The following ABTB3 variants were observed in gnomAD, a reference collection of about 807,000 sequenced individuals.
ABTB3 encodes ankyrin repeat- and BTB/POZ domain-containing protein 3.
the ABTB3 span, among the ~76,000 whole-genome samples, chr12:107,483,906 C>T: frequency 7.9e-5 from 12 of 152,048 alleles, no homozygotes; most frequent in Admixed American, 5.2e-4. Context: ...TGTCCACACT[C>T]GTCTTGAACT....
At chr12:107,326,025 C>A in the ABTB3 span, among the ~76,000 whole-genome samples, 60 of 152,326 alleles carry the variant, frequency 3.9e-4, no homozygotes, top group Admixed American at 7.2e-4. Context: ...CCTGCCTCAG[C>A]CTCCTGAGTA....
chr12:107,495,092 C>T, the ABTB3 span, among the ~76,000 whole-genome samples: 2 of 152,128 alleles, frequency 1.3e-5, no homozygotes, highest in East Asian at 1.9e-4. Context: ...GAGTCCTCTC[C>T]GGTGCTTATA....
chr12:107,444,297 T>C, the ABTB3 span, among the ~76,000 whole-genome samples: 3 of 152,108 alleles, frequency 2.0e-5, no homozygotes, highest in Non-Finnish European at 4.4e-5. Context: ...GCATATAAGT[T>C]AGAACCCAGG....
At chr12:107,559,775 A>G in the ABTB3 span, among the ~76,000 whole-genome samples, 17 of 151,724 alleles carry the variant, frequency 1.1e-4, no homozygotes, top group African/African-American at 4.1e-4. Flanking sequence ...ATTTAATTAC[A>G]TTTTCCCCAT....
At chr12:107,503,374 C>G in the ABTB3 span, among the ~76,000 whole-genome samples, 1 of 152,066 alleles carries the variant, frequency 6.6e-6, no homozygotes, top group Non-Finnish European at 1.5e-5. Flanking sequence ...GTTTACTGTC[C>G]CTAGGAATTG....
chr12:107,383,231 A>G, the ABTB3 span, among the ~76,000 whole-genome samples: 1 of 152,230 alleles, frequency 6.6e-6, no homozygotes, highest in African/African-American at 2.4e-5. Context: ...CCAGGCCTAT[A>G]GGCCTTACCC....
chr12:107,524,895 C>T, the ABTB3 span, among the ~76,000 whole-genome samples: 1 of 152,236 alleles, frequency 6.6e-6, no homozygotes, highest in Non-Finnish European at 1.5e-5. Context: ...GTAGGGTGCA[C>T]TGTGGATGCT....
At chr12:107,585,943 T>A in the ABTB3 span, among the ~76,000 whole-genome samples, 2 of 152,354 alleles carry the variant, frequency 1.3e-5, no homozygotes, top group South Asian at 4.1e-4. Flanking sequence ...CCTGATCTTT[T>A]TCTGGGGTCA....
At chr12:107,606,560 T>A in the ABTB3 span, among the ~76,000 whole-genome samples, 1 of 152,166 alleles carries the variant, frequency 6.6e-6, no homozygotes, top group Non-Finnish European at 1.5e-5. Context: ...TCATACGGAA[T>A]AAAGAATGCA....
At chr12:107,471,421 G>A in the ABTB3 span, among the ~76,000 whole-genome samples, 3 of 152,184 alleles carry the variant, frequency 2.0e-5, no homozygotes, top group Non-Finnish European at 4.4e-5. Context: ...GGGTACAGAA[G>A]TACAGGCTCC....
chr12:107,355,113 C>T, the ABTB3 span, among the ~76,000 whole-genome samples: 1 of 152,214 alleles, frequency 6.6e-6, no homozygotes. Context: ...AGTTCTCTCA[C>T]CTGAGCGGGG....
the ABTB3 span, among the ~76,000 whole-genome samples, chr12:107,620,967 G>A: frequency 4.6e-5 from 7 of 152,174 alleles, no homozygotes; most frequent in Admixed American, 2.0e-4. Context: ...CGGAGCCTGG[G>A]AAGTCTCAGG....
the ABTB3 span, among the ~76,000 whole-genome samples, chr12:107,351,261 G>A: frequency 1.3e-5 from 2 of 152,186 alleles, no homozygotes; most frequent in Admixed American, 1.3e-4. Context: ...TAGACCCAGA[G>A]GGTTTGAGTT....
the ABTB3 span, among the ~76,000 whole-genome samples, chr12:107,368,613 T>G: frequency 3.9e-5 from 6 of 151,994 alleles, no homozygotes; most frequent in Non-Finnish European, 8.8e-5. Flanking sequence ...TACTCAGGAG[T>G]GGGTTGGTCG....
At chr12:107,577,149 G>A in the ABTB3 span, among the ~76,000 whole-genome samples, 14 of 152,164 alleles carry the variant, frequency 9.2e-5, no homozygotes, top group African/African-American at 3.4e-4. Flanking sequence ...TCACTGCAAT[G>A]TCAGAGTTGA....
At chr12:107,615,338 C>G in the ABTB3 span, among the ~76,000 whole-genome samples, 1 of 152,154 alleles carries the variant, frequency 6.6e-6, no homozygotes, top group Non-Finnish European at 1.5e-5. Flanking sequence ...ATCTATATGG[C>G]CAGGCTTTAA....
At chr12:107,393,596 G>T in the ABTB3 span, among the ~76,000 whole-genome samples, 2 of 152,128 alleles carry the variant, frequency 1.3e-5, no homozygotes, top group East Asian at 3.9e-4. Flanking sequence ...CACCTGCCAT[G>T]GTGCCTATGT....
chr12:107,635,264 C>T, the ABTB3 span: 3 of 1,609,454 alleles, frequency 1.9e-6, no homozygotes, highest in Non-Finnish European at 2.5e-6. Context: ...TGTATCATGA[C>T]CTCCTCTTTC....
the ABTB3 span, among the ~76,000 whole-genome samples, chr12:107,503,320 G>T: frequency 6.6e-6 from 1 of 152,112 alleles, no homozygotes; most frequent in African/African-American, 2.4e-5. Flanking sequence ...TGTGGGCTTT[G>T]GATGGGTCAG....
Sources: gnomAD v4.1 joint callset for allele counts (sites outside exome capture counted in the v4.1 genomes callset) on GRCh38, gnomAD v4.1.1 for gene constraint, MANE v1.5 for transcripts, NCBI Gene and HGNC (gene_info 2026-07-23, HGNC 2026-07-21) for gene names.